HIVEP3: variants seen among roughly 807,000 people sequenced by gnomAD.
The protein encoded by HIVEP3 is HIVEP zinc finger 3, also known as transcription factor HIVEP3.
A neutral mutation model predicts 152.8 loss-of-function variants in HIVEP3; 49 were observed. The ratio of observed to expected loss-of-function variants is 0.32; its 90% CI spans 0.26 to 0.41. The LOEUF (loss-of-function observed/expected upper bound fraction) is 0.41, where lower values mean the gene tolerates loss of function less well. Among genes scored for constraint, HIVEP3 ranks in the 10% least tolerant of loss-of-function variants. The pLI is 1.00. For missense variants in HIVEP3, 2,790 were observed against 3,103.3 expected, an observed-to-expected ratio of 0.90 and a Z score of 2.40; for synonymous variants, 1,269 against 1,289.0, an observed-to-expected ratio of 0.98 and a Z score of 0.33.
At chr1:41,752,439 G>C (rs77788128) in intron 1 of HIVEP3, among the ~76,000 whole-genome samples, 3,019 of 152,284 alleles carry the variant, frequency 0.02, 89 homozygotes, top group African/African-American at 0.067. Flanking sequence ...GAAGACTGCG[G>C]CTCTGACTGT....
chr1:41,833,572 T>C (rs1643028383), intron 1 of HIVEP3, among the ~76,000 whole-genome samples: 1 of 152,120 alleles, frequency 6.6e-6, no homozygotes, highest in Non-Finnish European at 1.5e-5. Flanking sequence ...GACTCCAAAG[T>C]CTATGCCCTC....
chr1:41,779,519 G>T (rs1383816194), intron 1 of HIVEP3, among the ~76,000 whole-genome samples: 3 of 152,220 alleles, frequency 2.0e-5, no homozygotes, highest in Non-Finnish European at 4.4e-5. Context: ...TTGAGACGGA[G>T]TCTCCCTCTG....
intron 2 of HIVEP3, among the ~76,000 whole-genome samples, chr1:41,630,826 G>A (rs1338102241): frequency 6.6e-6 from 1 of 152,156 alleles, no homozygotes; most frequent in Admixed American, 6.5e-5. Context: ...TAAATTGGAG[G>A]AGATTTGTTA....
chr1:41,727,817 T>C (rs1472479022), intron 1 of HIVEP3, among the ~76,000 whole-genome samples: 1 of 152,180 alleles, frequency 6.6e-6, no homozygotes, highest in Non-Finnish European at 1.5e-5. Context: ...GCTGGGTCAT[T>C]CTGGGACATT....
chr1:41,904,590 A>G (rs1299392777), intron 1 of HIVEP3, among the ~76,000 whole-genome samples: 1 of 152,178 alleles, frequency 6.6e-6, no homozygotes. Flanking sequence ...TACCATTTGG[A>G]GTTCCCAGAC....
Position 41,509,618 on chromosome 1 carries a change from G to C in HIVEP3, c.*833C>G, listed in dbSNP as rs367660509. ...GTCAGGGCTCCTTCCCCAGCCCAGGGGGCCAGGGTGGGGTGCAGAAGGGAG... is the reference window on the plus strand; with the variant it reads ...GTCAGGGCTCCTTCCCCAGCCCAGGCGGCCAGGGTGGGGTGCAGAAGGGAG... On this transcript the variant is annotated 3_prime_UTR_variant, in exon 9 of 9. Coordinates refer to ENST00000372583, the MANE Select transcript of HIVEP3 (RefSeq NM_024503.5). 103 of 152,140 alleles carry C rather than the reference G, an allele frequency of 6.8e-4. 1 individual carries two copies. The highest frequency in any genetic ancestry group is 2.3e-3 in the African/African-American group (97 of 41,458). The allele number at this position is 152,140 out of a possible 1,614,324, so 9.4% of individuals were successfully genotyped here.
chr1:41,752,945 G>C (rs984921513), intron 1 of HIVEP3, among the ~76,000 whole-genome samples: 1 of 152,256 alleles, frequency 6.6e-6, no homozygotes, highest in Non-Finnish European at 1.5e-5. Context: ...CTACTAGCCT[G>C]GCTGCTGCTC....
intron 2 of HIVEP3, among the ~76,000 whole-genome samples, chr1:41,635,515 T>C (rs922494750): frequency 4.7e-5 from 7 of 149,682 alleles, no homozygotes; most frequent in Non-Finnish European, 7.4e-5. Flanking sequence ...CATATATAGC[T>C]GCATATATAC....
intron 1 of HIVEP3, among the ~76,000 whole-genome samples, chr1:42,029,022 C>T (rs950813168): frequency 1.3e-5 from 2 of 152,150 alleles, no homozygotes; most frequent in African/African-American, 4.8e-5. Context: ...TAAATGACAA[C>T]TAATCTAATT....
chr1:41,588,736 G>A (rs999576324), intron 3 of HIVEP3, among the ~76,000 whole-genome samples: 2 of 152,172 alleles, frequency 1.3e-5, no homozygotes, highest in Non-Finnish European at 2.9e-5. Context: ...CAGAGTGAGC[G>A]AGGCCTGTGA....
At chr1:41,529,272 G>A in intron 5 of HIVEP3, among the ~76,000 whole-genome samples, 1 of 76,766 alleles carries the variant, frequency 1.3e-5, no homozygotes, top group Non-Finnish European at 2.5e-5. Flanking sequence ...ACTCACACAT[G>A]CTCACACCCC....
chr1:41,606,741 C>T (rs1322702793), intron 3 of HIVEP3, among the ~76,000 whole-genome samples: 1 of 151,666 alleles, frequency 6.6e-6, no homozygotes, highest in Non-Finnish European at 1.5e-5. Flanking sequence ...CTATTTTTTT[C>T]AAAGTTTGAC....
chr1:41,831,665 T>C lies in HIVEP3; in HGVS notation c.-801+86748A>G, dbSNP rs557956095. 6.6e-5 allele frequency among the ~76,000 whole-genome samples: 10 copies of C among 152,316 alleles called. No individual in the cohort carries two copies. In the East Asian group the frequency reaches 1.7e-3, roughly 26 times the overall value. On this transcript the variant is annotated intron_variant, in intron 1 of 8. Transcript: ENST00000372583. ...TGAAATAACCATTCTCCTATTTGCA[T>C]AAATATCATGAGAACTAAGTCTCTT... is the stretch of plus-strand genomic sequence containing the variant.
At chr1:41,726,894 T>C (rs1646760123) in intron 1 of HIVEP3, among the ~76,000 whole-genome samples, 1 of 152,228 alleles carries the variant, frequency 6.6e-6, no homozygotes, top group African/African-American at 2.4e-5. Context: ...GCCTCTGTGC[T>C]GGGCATGGGG....
chr1:41,527,922 C>A lies in HIVEP3; in HGVS notation c.5208-3012G>T, dbSNP rs555698698. Among the ~76,000 whole-genome samples, 4 of 145,040 alleles carry A rather than the reference C, an allele frequency of 2.8e-5. No homozygotes were observed. In the South Asian group the frequency reaches 9.1e-4, roughly 33 times the overall value. ...CTCATGCTCACCCTCACACACACAC[C>A]CCTGCCCTCACATGGTCACCCTCAC... On this transcript the variant is annotated intron_variant, in intron 5 of 8. Transcript: ENST00000372583.
At chr1:41,867,746 C>T (rs1160303471) in intron 1 of HIVEP3, among the ~76,000 whole-genome samples, 1 of 152,180 alleles carries the variant, frequency 6.6e-6, no homozygotes, top group African/African-American at 2.4e-5. Flanking sequence ...GGTAAATGGC[C>T]TAACTTGGGT....
intron 2 of HIVEP3, among the ~76,000 whole-genome samples, chr1:41,668,322 G>C (rs953122457): frequency 5.3e-5 from 8 of 152,260 alleles, no homozygotes; most frequent in Non-Finnish European, 1.0e-4. Flanking sequence ...ATGGGCGAGA[G>C]AGATGAATAC....
chr1:41,828,044 T>A (rs1642854033), intron 1 of HIVEP3, among the ~76,000 whole-genome samples: 1 of 152,192 alleles, frequency 6.6e-6, no homozygotes, highest in Admixed American at 6.5e-5. Flanking sequence ...AAAGTGACCA[T>A]TATTTTATTT....
chr1:41,555,274 G>A (rs965991902), intron 5 of HIVEP3, among the ~76,000 whole-genome samples: 1 of 152,252 alleles, frequency 6.6e-6, no homozygotes, highest in Non-Finnish European at 1.5e-5. Context: ...CAGTGAGCAA[G>A]GCTCTGTGGG....
Sources: allele counts gnomAD v4.1 joint callset (sites outside exome capture counted in the v4.1 genomes callset), GRCh38; gene constraint gnomAD v4.1.1; transcripts MANE v1.5; gene names NCBI Gene and HGNC (gene_info 2026-07-23, HGNC 2026-07-21).